Variants in KLRD1 observed in about 807,000 individuals in gnomAD.
The protein encoded by KLRD1 is natural killer cells antigen CD94.
In KLRD1, 21 loss-of-function variants were observed where a neutral mutation model predicts 22.6. The observed-to-expected ratio is 0.93, with a 90% CI of 0.66 to 1.34. The LOEUF is 1.34. Among genes scored for constraint, KLRD1 ranks in the 40% most tolerant of loss-of-function variants. The probability of loss-of-function intolerance (pLI) is 0.00; values close to 1 mark genes in which losing one functional copy is unlikely to be tolerated. For missense variants in KLRD1, 183 were observed against 208.6 expected, an observed-to-expected ratio of 0.88 and a Z score of 0.76; for synonymous variants, 59 against 71.1, an observed-to-expected ratio of 0.83 and a Z score of 0.85.
At chr12:10,307,208 T>C (rs1949946025), upstream of KLRD1, among the ~76,000 whole-genome samples, 1 of 152,120 alleles carries the variant, frequency 6.6e-6, no homozygotes, top group Non-Finnish European at 1.5e-5. Flanking sequence ...CTAAACAATA[T>C]AATAATGTAT....
upstream of KLRD1, among the ~76,000 whole-genome samples, chr12:10,307,071 G>A (rs1032349760): frequency 3.9e-5 from 6 of 152,078 alleles, no homozygotes; most frequent in Non-Finnish European, 8.8e-5. Context: ...TCTTATTATA[G>A]CCAATCTCTT....
At chr12:10,289,392 G>A (rs1015514624) in intron 1 of KLRD1, among the ~76,000 whole-genome samples, 2 of 152,164 alleles carry the variant, frequency 1.3e-5, no homozygotes, top group African/African-American at 2.4e-5. Flanking sequence ...ATTTTGAAAC[G>A]AGTTATGTTT....
At chr12:10,246,899 G>GAATTTCTT (rs1348589484) in intron 1 of KLRD1, among the ~76,000 whole-genome samples, 5 of 149,462 alleles carry the variant, frequency 3.3e-5, no homozygotes, top group East Asian at 4.0e-4. Flanking sequence ...AATGAGTAGG[G>GAATTTCTT]AATTTCTTTT....
rs959162680 is a variant in KLRD1, at chr12:10,324,420, A to G, written c.*9627A>G. 5 of 149,678 alleles carry G rather than the reference A, an allele frequency of 3.3e-5. No homozygotes were observed. The highest frequency in any genetic ancestry group is 6.7e-5 in the Admixed American group (1 of 15,026). 9.3% of individuals were successfully genotyped at this position (149,678 alleles called of 1,614,324 possible). ...CCCCCCCAAGTAGGCCCCAGTGTCT[A>G]TTGTTTCCTTTTTTTGTGTGCCTGT... On this transcript the variant is annotated 3_prime_UTR_variant, in exon 6 of 6. Transcript: ENST00000336164.
chr12:10,242,741 A>G (rs1009158725), intron 1 of KLRD1, among the ~76,000 whole-genome samples: 1 of 152,148 alleles, frequency 6.6e-6, no homozygotes, highest in Non-Finnish European at 1.5e-5. Flanking sequence ...GCCAGTCTGT[A>G]GGAGTGAAGT....
chr12:10,264,181 C>G (rs1400800954), intron 1 of KLRD1, among the ~76,000 whole-genome samples: 1 of 152,010 alleles, frequency 6.6e-6, no homozygotes, highest in Non-Finnish European at 1.5e-5. Flanking sequence ...TATGCTAAAC[C>G]ATTATTATCC....
intron 1 of KLRD1, among the ~76,000 whole-genome samples, chr12:10,273,750 AATG>A (rs147167892): frequency 0.031 from 4,685 of 152,278 alleles, 108 homozygotes; most frequent in Non-Finnish European, 0.048. Flanking sequence ...TGAGTAGTAA[AATG>A]ATGAAAGTAT....
intron 1 of KLRD1, among the ~76,000 whole-genome samples, chr12:10,243,233 A>G (rs1441031735): frequency 6.6e-6 from 1 of 152,148 alleles, no homozygotes; most frequent in Non-Finnish European, 1.5e-5. Flanking sequence ...TGTTAATTAG[A>G]TTGATTTAAT....
upstream of KLRD1, chr12:10,304,480 G>A (rs922830665): frequency 6.6e-6 from 1 of 152,076 alleles, no homozygotes; most frequent in Non-Finnish European, 1.5e-5. Flanking sequence ...GAGTGCAATG[G>A]TGCGATCTCA....
chr12:10,272,922 C>T (rs544215616), intron 1 of KLRD1, among the ~76,000 whole-genome samples: 76 of 151,954 alleles, frequency 5.0e-4, no homozygotes, highest in African/African-American at 1.5e-3. Flanking sequence ...GACTAAATAA[C>T]GTAATATAAA....
At chr12:10,264,142 G>A (rs1179774339) in intron 1 of KLRD1, among the ~76,000 whole-genome samples, 1 of 151,960 alleles carries the variant, frequency 6.6e-6, no homozygotes, top group Non-Finnish European at 1.5e-5. Context: ...CTCTATTTCT[G>A]TCATATATTT....
chr12:10,256,698 T>C (rs2137625829), intron 1 of KLRD1, among the ~76,000 whole-genome samples: 1 of 152,062 alleles, frequency 6.6e-6, no homozygotes, highest in African/African-American at 2.4e-5. Context: ...TTCAATTGCT[T>C]CTAAATGTTA....
At chr12:10,301,506 T>C (rs1406563472), upstream of KLRD1, among the ~76,000 whole-genome samples, 3 of 152,168 alleles carry the variant, frequency 2.0e-5, no homozygotes, top group Non-Finnish European at 4.4e-5. Context: ...CCAGAACAGC[T>C]TCACAAAAAA....
chr12:10,255,999 G>T (rs945045123), intron 1 of KLRD1, among the ~76,000 whole-genome samples: 8 of 151,872 alleles, frequency 5.3e-5, no homozygotes, highest in African/African-American at 1.9e-4. Flanking sequence ...ATATTTAAAG[G>T]TTCTGATATT....
rs999339527 is a variant in KLRD1, at chr12:10,271,440, C to T, written c.-100-36538C>T. Among the ~76,000 whole-genome samples, 6 of 152,238 alleles carry T rather than the reference C, an allele frequency of 3.9e-5. 1 individual carries two copies. Among genetic ancestry groups the T allele is most frequent in the East Asian group, 3.9e-4 (2 of 5,192 alleles). On this transcript the variant is annotated intron_variant, in intron 1 of 5. Transcript: ENST00000544747. ...ACAGAGCACTGTAGGTTACTATGAC[C>T]CACTAAAAAGTGTAGGGACAAGAAA... is the stretch of plus-strand genomic sequence containing the variant.
At chr12:10,246,755 G>A (rs1949294759) in intron 1 of KLRD1, among the ~76,000 whole-genome samples, 1 of 152,068 alleles carries the variant, frequency 6.6e-6, no homozygotes, top group East Asian at 1.9e-4. Flanking sequence ...GATGGTTGAT[G>A]TGAGGTTTTT....
Position 10,257,791 on chromosome 12 carries a change from C to T in KLRD1, c.-101+31558C>T, listed in dbSNP as rs1182896550. On this transcript the variant is annotated intron_variant, in intron 1 of 5. Coordinates refer to the KLRD1 transcript ENST00000544747. ...TTGTGTTTTCCTGTTTCTTCGTATG[C>T]TTTGAGATTTTTTTGAAAATTGAGC... Among the ~76,000 whole-genome samples the T allele has an allele frequency of 2.0e-5, 3 of 151,852 alleles. No homozygotes were observed. The East Asian group carries it at 5.8e-4, about 29-fold the overall frequency.
Position 10,315,674 on chromosome 12 carries a change from A to G in KLRD1, c.*881A>G, listed in dbSNP as rs1218822148. The stretch of plus-strand genomic sequence containing the variant: ...GTAATGATTATCAATATTTTTTTCC[A>G]CCAACTATCCTATACCCCTGACCTC... On this transcript the variant is annotated 3_prime_UTR_variant, in exon 6 of 6. Transcript: ENST00000336164. 1.3e-5 allele frequency: 2 copies of G among 152,402 alleles called. No homozygotes were observed. The highest frequency in any genetic ancestry group is 2.9e-5 in the Non-Finnish European group (2 of 68,266). The allele number at this position is 152,402 out of a possible 1,614,324, so 9.4% of individuals were successfully genotyped here. A position where few individuals can be genotyped will look rare whatever the true frequency, so the allele number is the denominator to read the frequency against.
At chr12:10,279,049 A>G (rs2137652007) in intron 1 of KLRD1, among the ~76,000 whole-genome samples, 1 of 149,960 alleles carries the variant, frequency 6.7e-6, no homozygotes, top group Non-Finnish European at 1.5e-5. Flanking sequence ...ACATGGGTAA[A>G]TTGAGTATTC....
Sources: allele counts gnomAD v4.1 joint callset (sites outside exome capture counted in the v4.1 genomes callset), GRCh38; gene constraint gnomAD v4.1.1; transcripts MANE v1.5; gene names NCBI Gene and HGNC (gene_info 2026-07-23, HGNC 2026-07-21).